The following RAPH1 variants were observed in gnomAD, a reference collection of about 807,000 sequenced individuals.
RAPH1 encodes the protein ras-associated and pleckstrin homology domains-containing protein 1.
Under a neutral mutation model 88.1 loss-of-function variants are expected in RAPH1, and 18 were observed. The ratio of observed to expected loss-of-function variants is 0.20; its 90% CI spans 0.14 to 0.30. The LOEUF is 0.30. Among genes scored for constraint, RAPH1 ranks in the 10% least tolerant of loss-of-function variants. The pLI is 1.00. For synonymous variants in RAPH1, 587 were observed against 559.0 expected (o/e 1.05, Z -0.71); for missense variants, 1,448 against 1,543.2 (o/e 0.94, Z 1.03).
chr2:203,506,759 T>TATATATATCTAG (rs1559494162), intron 1 of RAPH1, among the ~76,000 whole-genome samples: 10 of 124,590 alleles, frequency 8.0e-5, no homozygotes, highest in Non-Finnish European at 1.4e-4. Flanking sequence ...TATATATATC[T>TATATATATCTAG]ATATATATAT....
intron 9 of RAPH1, among the ~76,000 whole-genome samples, chr2:203,454,901 T>C (rs1482420053): frequency 6.6e-6 from 1 of 152,148 alleles, no homozygotes; most frequent in Non-Finnish European, 1.5e-5. Flanking sequence ...CTATAATGCA[T>C]ATGTAAAGTA....
Position 203,441,076 on chromosome 2 carries a change from G to T in RAPH1, c.2114C>A (p.Pro705His), listed in dbSNP as rs745344697. The change falls in exon 14 of 14, where the codon CCC becomes CAC. Residue 705 changes from proline (P) to histidine (H), a missense_variant. Around this residue, in one of 2 missense-constraint regions of RAPH1, gnomAD observed 935 missense variants for 890.1 expected, o/e 1.05. Coordinates refer to ENST00000319170, the MANE Select transcript of RAPH1 (RefSeq NM_213589.3). Reference sequence around the variant, plus strand: ...AGGGGGTGGTGGAACAACTCCATTGGGGGGTACCAGGATCTGAGGCTTCAC... The same window carrying T: ...AGGGGGTGGTGGAACAACTCCATTGTGGGGTACCAGGATCTGAGGCTTCAC... ...QSVKPQILVP[P>H]NGVVPPPPPP... is the part of the protein sequence containing the mutation. The T allele has an allele frequency of 1.9e-6, 3 of 1,586,434 alleles. No individual in the cohort carries two copies. The highest frequency in any genetic ancestry group is 8.6e-7 in the Non-Finnish European group (1 of 1,160,318).
In RAPH1 at chr2:203,455,426, A is replaced by G. The variant is rs183899343; in HGVS notation, c.1302+11T>C. The G allele has an allele frequency of 6.2e-7, 1 of 1,606,586 alleles. No homozygotes were observed. Among genetic ancestry groups the G allele is most frequent in the African/African-American group, 1.3e-5 (1 of 74,690 alleles). ...AATGAGGAAGTTCAAATTCCAACAG[A>G]AGGGACACACCTTTGCTTTTCCTTT... On this transcript the variant is annotated intron_variant, in intron 9 of 13. Coordinates refer to ENST00000319170, the MANE Select transcript of RAPH1 (RefSeq NM_213589.3).
chr2:203,526,133 C>CA (rs1690103449), intron 1 of RAPH1, among the ~76,000 whole-genome samples: 2 of 151,958 alleles, frequency 1.3e-5, no homozygotes, highest in Admixed American at 6.6e-5. Flanking sequence ...AAGGATAATG[C>CA]AAAATTCAAA....
intron 13 of RAPH1, chr2:203,444,564 G>A: frequency 2.6e-6 from 1 of 378,642 alleles, no homozygotes; most frequent in South Asian, 1.0e-4. Context: ...AGGTGGAAAG[G>A]AAGAAATTGT....
chr2:203,500,195 A>C (rs561482736), intron 1 of RAPH1, among the ~76,000 whole-genome samples: 1 of 152,354 alleles, frequency 6.6e-6, no homozygotes, highest in Non-Finnish European at 1.5e-5. Flanking sequence ...AAGTGCTATA[A>C]AAGAGGTATG....
At position 203,509,134 on chromosome 2, in the gene RAPH1, G is replaced by A. The variant is rs548604897; in HGVS notation, c.1-13781C>T. ...CACTCAGGCTGGAGTGTGGTGACAC[G>A]ATCTTGGCTCACTGCAACCTCTGCC... is the stretch of plus-strand genomic sequence containing the variant. On this transcript the variant is annotated intron_variant, in intron 1 of 13. Transcript: ENST00000319170. Among the ~76,000 whole-genome samples, 105 of 139,888 alleles carry A rather than the reference G, an allele frequency of 7.5e-4. 1 individual carries two copies. Among genetic ancestry groups the A allele is most frequent in the Middle Eastern group, 4.2e-3 (1 of 238 alleles). The allele number at this position is 139,888 out of a possible 152,430, so 91.8% of individuals were successfully genotyped here.
chr2:203,504,834 ATC>A (rs1444348968), intron 1 of RAPH1, among the ~76,000 whole-genome samples: 1 of 152,154 alleles, frequency 6.6e-6, no homozygotes, highest in Non-Finnish European at 1.5e-5. Flanking sequence ...ACCCTAAATC[ATC>A]TCTCTCAATT....
Position 203,439,464 on chromosome 2 carries a change from C to T in RAPH1, c.3726G>A (p.Gln1242=), listed in dbSNP as rs768655629. The change falls in exon 14 of 14, where the codon CAG becomes CAA. Residue 1242 remains glutamine (Q), a synonymous_variant. Transcript: ENST00000319170. Reference sequence around the variant, plus strand: ...ACCAGTCTCTGGAGAGCTTGGTGTTCTGGTCTCTTTTGGGGGGAGCAGGAG... The same window carrying T: ...ACCAGTCTCTGGAGAGCTTGGTGTTTTGGTCTCTTTTGGGGGGAGCAGGAG... ...GPPPAPPKRD[Q]NTKLSRDW 6.2e-7 allele frequency: 1 copy of T among 1,613,916 alleles called. No individual in the cohort carries two copies. The highest frequency in any genetic ancestry group is 1.1e-5 in the South Asian group (1 of 91,076).
chr2:203,513,526 C>T (rs1464574067), intron 1 of RAPH1, among the ~76,000 whole-genome samples: 4 of 81,494 alleles, frequency 4.9e-5, no homozygotes, highest in Admixed American at 1.9e-4. Context: ...GCCCGAGACT[C>T]TATTTCAAAA....
intron 1 of RAPH1, among the ~76,000 whole-genome samples, chr2:203,517,531 T>C (rs1323298663): frequency 6.6e-6 from 1 of 152,130 alleles, no homozygotes; most frequent in African/African-American, 2.4e-5. Flanking sequence ...AACTGACATC[T>C]ATGCGCTAAT....
Position 203,440,099 on chromosome 2 carries a change from T to C in RAPH1, c.3091A>G (p.Asn1031Asp). The C allele has an allele frequency of 1.2e-6, 2 of 1,613,532 alleles. No individual in the cohort carries two copies. Among genetic ancestry groups the C allele is most frequent in the Non-Finnish European group, 1.7e-6 (2 of 1,180,000 alleles). The change falls in exon 14 of 14, where the codon AAT (asparagine) becomes GAT (aspartate). Residue 1031 changes from asparagine (N) to aspartate (D), a missense_variant. By Grantham distance (23) the Asn-to-Asp change is conservative. This residue lies in a region of RAPH1 where 935 missense variants were observed against 890.1 expected (regional missense o/e 1.05). Coordinates refer to ENST00000319170, the MANE Select transcript of RAPH1 (RefSeq NM_213589.3). ...PAAPPKPGKL[N>D]LSGVNLPGVL... ...CCAGGAAGGTTGACTCCAGAAAGAT[T>C]GAGTTTTCCAGGCTTGGGGGGTGCT...
At chr2:203,442,180 A>C in intron 13 of RAPH1, 1 of 1,231,746 alleles carries the variant, frequency 8.1e-7, no homozygotes, top group East Asian at 2.7e-5. Flanking sequence ...AAGCTCTGGA[A>C]GGCTAGAATA....
intron 8 of RAPH1, among the ~76,000 whole-genome samples, chr2:203,456,302 CTT>C (rs912046077): frequency 6.6e-6 from 1 of 152,126 alleles, no homozygotes; most frequent in African/African-American, 2.4e-5. Context: ...AAGCGTTAGA[CTT>C]TATTTTTTCT....
chr2:203,522,982 A>C (rs890597938), intron 1 of RAPH1, among the ~76,000 whole-genome samples: 1 of 152,048 alleles, frequency 6.6e-6, no homozygotes, highest in African/African-American at 2.4e-5. Context: ...AAGACTCACT[A>C]TCCAGCTAAA....
intron 2 of RAPH1, among the ~76,000 whole-genome samples, chr2:203,494,609 C>A (rs1170047294): frequency 1.3e-5 from 2 of 151,866 alleles, no homozygotes; most frequent in African/African-American, 4.8e-5. Context: ...GAGATCGAGA[C>A]CATCCTGGCT....
intron 2 of RAPH1, among the ~76,000 whole-genome samples, chr2:203,494,748 G>A (rs1688435503): frequency 6.6e-6 from 1 of 150,566 alleles, no homozygotes; most frequent in Non-Finnish European, 1.5e-5. Flanking sequence ...GACGGAGCTT[G>A]CGGTGAGCCA....
At chr2:203,506,881 G>GATATAGAT (rs1559495054) in intron 1 of RAPH1, among the ~76,000 whole-genome samples, 1 of 30,346 alleles carries the variant, frequency 3.3e-5, no homozygotes. Flanking sequence ...TATATATATA[G>GATATAGAT]ATATATATAT....
intron 1 of RAPH1, among the ~76,000 whole-genome samples, chr2:203,514,090 C>T (rs1204019919): frequency 2.0e-5 from 3 of 152,096 alleles, no homozygotes; most frequent in Non-Finnish European, 2.9e-5. Flanking sequence ...TGATCACCTG[C>T]CTCAGCCTCC....
Sources: gnomAD v4.1 joint callset for allele counts (sites outside exome capture counted in the v4.1 genomes callset) on GRCh38, gnomAD v4.1.1 for gene constraint, gnomAD v4.1.1 regional missense constraint, MANE v1.5 for transcripts, NCBI Gene and HGNC (gene_info 2026-07-23, HGNC 2026-07-21) for gene names.